CCSER1: variants seen among roughly 807,000 people sequenced by gnomAD.
CCSER1 encodes the protein coiled-coil serine rich protein 1, also known as serine-rich coiled-coil domain-containing protein 1.
A neutral mutation model predicts 82.0 loss-of-function variants in CCSER1; 41 were observed. The ratio of observed to expected loss-of-function variants is 0.50; its 90% CI spans 0.39 to 0.65. The LOEUF is 0.65. Ranked by LOEUF, CCSER1 falls within the 30% of genes least tolerant of loss-of-function variation. CCSER1 has a pLI of 0.00. For synonymous variants in CCSER1, 414 were observed against 383.9 expected (o/e 1.08, Z -0.92); for missense variants, 1,119 against 1,064.2 (o/e 1.05, Z -0.72).
chr4:90,695,516 A>G (rs1466958607), intron 6 of CCSER1, among the ~76,000 whole-genome samples: 1 of 152,020 alleles, frequency 6.6e-6, no homozygotes, highest in East Asian at 1.9e-4. Context: ...GTATCATAGA[A>G]TGTCAGACCT....
At chr4:90,697,338 G>T (rs1737159238) in intron 6 of CCSER1, among the ~76,000 whole-genome samples, 1 of 152,100 alleles carries the variant, frequency 6.6e-6, no homozygotes, top group Admixed American at 6.6e-5. Context: ...AGAAGTGTCA[G>T]AAGATGCCTT....
intron 8 of CCSER1, among the ~76,000 whole-genome samples, chr4:90,898,041 T>A (rs939429874): frequency 6.6e-6 from 1 of 151,950 alleles, no homozygotes; most frequent in African/African-American, 2.4e-5. Flanking sequence ...ATGCAAATAT[T>A]TTCTCCCATT....
At chr4:91,492,638 A>G (rs1165363777) in intron 10 of CCSER1, among the ~76,000 whole-genome samples, 1 of 152,108 alleles carries the variant, frequency 6.6e-6, no homozygotes, top group Non-Finnish European at 1.5e-5. Flanking sequence ...GAAGCAGCAC[A>G]TTATTAAATC....
chr4:90,708,170 A>T (rs1478424913), intron 6 of CCSER1, among the ~76,000 whole-genome samples: 1 of 152,188 alleles, frequency 6.6e-6, no homozygotes, highest in African/African-American at 2.4e-5. Flanking sequence ...CTCACAAGCC[A>T]TCATTTCAGT....
At chr4:90,631,443 G>A (rs1724408902) in intron 6 of CCSER1, among the ~76,000 whole-genome samples, 1 of 152,078 alleles carries the variant, frequency 6.6e-6, no homozygotes, top group Non-Finnish European at 1.5e-5. Context: ...AGCAAATCAA[G>A]TTATCCTTTG....
At chr4:90,528,547 A>G (rs1774073942) in intron 5 of CCSER1, among the ~76,000 whole-genome samples, 1 of 152,178 alleles carries the variant, frequency 6.6e-6, no homozygotes, top group Non-Finnish European at 1.5e-5. Flanking sequence ...TCAGTTACTC[A>G]TGGATACTCT....
At chr4:91,101,633 C>CAAAA (rs33926247) in intron 10 of CCSER1, among the ~76,000 whole-genome samples, 10 of 146,594 alleles carry the variant, frequency 6.8e-5, no homozygotes, top group African/African-American at 1.3e-4. Flanking sequence ...GACTCCGTCT[C>CAAAA]AAAAAAAAAA....
chr4:90,244,202 G>T (rs894010068), intron 1 of CCSER1, among the ~76,000 whole-genome samples: 1 of 152,200 alleles, frequency 6.6e-6, no homozygotes, highest in Non-Finnish European at 1.5e-5. Flanking sequence ...ACTATTGTGA[G>T]TGGAGAGAAA....
At chr4:91,068,693 A>T (rs1721099552) in intron 9 of CCSER1, among the ~76,000 whole-genome samples, 1 of 152,182 alleles carries the variant, frequency 6.6e-6, no homozygotes, top group African/African-American at 2.4e-5. Context: ...GAAATAATGC[A>T]CGCGTAGACT....
intron 8 of CCSER1, among the ~76,000 whole-genome samples, chr4:90,857,781 T>C (rs959461700): frequency 6.6e-6 from 1 of 151,958 alleles, no homozygotes; most frequent in Non-Finnish European, 1.5e-5. Context: ...AGGTAGTAAA[T>C]ATGCAGGATT....
chr4:91,153,603 C>T (rs1179256262), intron 10 of CCSER1, among the ~76,000 whole-genome samples: 1 of 151,908 alleles, frequency 6.6e-6, no homozygotes, highest in Non-Finnish European at 1.5e-5. Flanking sequence ...TTAGAGTTTT[C>T]AGCTTTTTTG....
At chr4:91,469,035 G>C (rs889211240) in intron 10 of CCSER1, among the ~76,000 whole-genome samples, 1 of 152,084 alleles carries the variant, frequency 6.6e-6, no homozygotes, top group Non-Finnish European at 1.5e-5. Flanking sequence ...TATTAGAAAA[G>C]TGAAAAGAAA....
At chr4:91,316,931 A>G (rs1745876681) in intron 10 of CCSER1, among the ~76,000 whole-genome samples, 1 of 151,972 alleles carries the variant, frequency 6.6e-6, no homozygotes, top group African/African-American at 2.4e-5. Flanking sequence ...CTCAAAGGGT[A>G]ACATGTTTCA....
intron 7 of CCSER1, among the ~76,000 whole-genome samples, chr4:90,728,639 A>C (rs1162192550): frequency 6.6e-6 from 1 of 152,174 alleles, no homozygotes; most frequent in Non-Finnish European, 1.5e-5. Context: ...ATTTGAGCCC[A>C]ACCTTAGCAA....
At chr4:90,973,299 G>T (rs1735292612) in intron 9 of CCSER1, among the ~76,000 whole-genome samples, 1 of 151,658 alleles carries the variant, frequency 6.6e-6, no homozygotes, top group Non-Finnish European at 1.5e-5. Context: ...TACAATATAT[G>T]ATACTCAAGT....
chr4:91,604,081 AC>A lies in CCSER1; in HGVS notation c.*5025del, dbSNP rs1464595603. On this transcript the variant is annotated 3_prime_UTR_variant, in exon 11 of 11. Coordinates refer to ENST00000509176, the MANE Select transcript of CCSER1 (RefSeq NM_001145065.2). ...AAAGAGCCCACTTCCCTAATCACAT[AC>A]TTCAATAACTAGTTAGGTAATTATT... 6.6e-6 allele frequency: 1 copy of A among 152,134 alleles called. No homozygotes were observed. Among genetic ancestry groups the A allele is most frequent in the Non-Finnish European group, 1.5e-5 (1 of 68,004 alleles). 9.4% of individuals were successfully genotyped at this position (152,134 alleles called of 1,614,324 possible).
At position 91,450,754 on chromosome 4, in the gene CCSER1, C is replaced by T. The variant is rs140627919; in HGVS notation, c.2218-147818C>T. ...CAGAGGTCTGCTGAGGACTTCACTC[C>T]GGTCTTCAGTTCGGTACTAATCAGC... On this transcript the variant is annotated intron_variant, in intron 10 of 10. Transcript: ENST00000509176. Among the ~76,000 whole-genome samples the T allele has an allele frequency of 1.9e-3, 296 of 152,056 alleles. 2 individuals carry two copies. The highest frequency in any genetic ancestry group is 6.7e-3 in the African/African-American group (279 of 41,504).
At chr4:91,175,506 A>T (rs1002538677) in intron 10 of CCSER1, among the ~76,000 whole-genome samples, 1 of 152,042 alleles carries the variant, frequency 6.6e-6, no homozygotes, top group Non-Finnish European at 1.5e-5. Flanking sequence ...CTTTTTAATG[A>T]TCACCATTCT....
At chr4:90,465,073 C>T (rs1321856384) in intron 4 of CCSER1, among the ~76,000 whole-genome samples, 1 of 152,148 alleles carries the variant, frequency 6.6e-6, no homozygotes, top group Non-Finnish European at 1.5e-5. Flanking sequence ...AAGTGATTCT[C>T]CTGCCTCAGC....
Sources: allele counts gnomAD v4.1 joint callset (sites outside exome capture counted in the v4.1 genomes callset), GRCh38; gene constraint gnomAD v4.1.1; transcripts MANE v1.5; gene names NCBI Gene and HGNC (gene_info 2026-07-23, HGNC 2026-07-21).